EZH2: variants seen among roughly 807,000 people sequenced by gnomAD.
EZH2 encodes enhancer of zeste 2 polycomb repressive complex 2 subunit, also known as histone-lysine N-methyltransferase EZH2.
In EZH2, 18 loss-of-function variants were observed where a neutral mutation model predicts 98.4. That is an observed-to-expected ratio of 0.18 (90% CI 0.13 to 0.27). The LOEUF (loss-of-function observed/expected upper bound fraction) is 0.27. Among genes scored for constraint, EZH2 ranks in the 10% least tolerant of loss-of-function variants. EZH2 has a pLI of 1.00. For missense variants in EZH2, 470 were observed against 935.1 expected (o/e 0.50, Z 6.49); for synonymous variants, 338 against 312.3 (o/e 1.08, Z -0.87).
intron 13 of EZH2, 143 bp downstream of exon 13, chr7:148,815,363 C>A: frequency 1.2e-6 from 1 of 851,108 alleles, no homozygotes; most frequent in Non-Finnish European, 2.0e-6. Flanking sequence ...CATCAGTAGA[C>A]GTCCTCCATT....
rs748915411 is a variant in EZH2, at chr7:148,817,901, T to G, written c.1216A>C (p.Lys406Gln). The G allele has an allele frequency of 6.2e-7, 1 of 1,614,232 alleles. No individual in the cohort carries two copies. The highest frequency in any genetic ancestry group is 1.1e-5 in the South Asian group (1 of 91,086). Residue 406 changes from lysine to glutamine, a missense_variant, in exon 10 of 20, where the codon AAA (lysine) becomes CAA (glutamine). Lys to Gln is a moderately conservative substitution (Grantham distance 53, BLOSUM62 1). Transcript: ENST00000320356. ...CCAGAGGAGCTCGAAGTTTCATCTTTCTTCTCTTCTTCTTCTTTATCATTG... is the reference window on the plus strand; with the variant it reads ...CCAGAGGAGCTCGAAGTTTCATCTTGCTTCTCTTCTTCTTCTTTATCATTG... Reference protein sequence around the residue: ...ENNDKEEEEKKDETSSSSEAN... With the variant: ...ENNDKEEEEKQDETSSSSEAN...
rs114320893 is a variant in EZH2, at chr7:148,817,868, G to T, written c.1240+9C>A. On this transcript the variant is annotated intron_variant, in intron 10 of 19. Coordinates refer to ENST00000320356, the MANE Select transcript of EZH2 (RefSeq NM_004456.5). ...GAACAGTAAAACCCAGTTATTAGAC[G>T]TGTCTTACCAGAGGAGCTCGAAGTT... 2.4e-4 allele frequency: 395 copies of T among 1,614,114 alleles called. 2 individuals carry two copies. In the African/African-American group the frequency reaches 4.9e-3, roughly 20 times the overall value.
intron 15 of EZH2, among the ~76,000 whole-genome samples, chr7:148,812,040 T>C (rs1803228820): frequency 6.6e-6 from 1 of 152,234 alleles, no homozygotes; most frequent in Non-Finnish European, 1.5e-5. Context: ...TCTTCAGCCC[T>C]TGATTTCCTC....
intron 1 of EZH2, among the ~76,000 whole-genome samples, chr7:148,883,885 G>GC (rs528841467): frequency 6.6e-6 from 1 of 151,702 alleles, no homozygotes; most frequent in African/African-American, 2.4e-5. Context: ...CGGGAAAGGA[G>GC]CCCCCCACAC....
chr7:148,808,845 G>A (rs959466334), intron 19 of EZH2, among the ~76,000 whole-genome samples: 24 of 152,100 alleles, frequency 1.6e-4, no homozygotes, highest in African/African-American at 5.8e-4. Flanking sequence ...TGAGAAATGG[G>A]GCTTTCTGCA....
At chr7:148,881,817 C>T (rs1820999225) in intron 1 of EZH2, among the ~76,000 whole-genome samples, 1 of 151,684 alleles carries the variant, frequency 6.6e-6, no homozygotes, top group Admixed American at 6.6e-5. Context: ...GCCTGTAGTT[C>T]CAGCTACTCG....
chr7:148,851,409 T>C (rs1244296030), intron 1 of EZH2, among the ~76,000 whole-genome samples: 1 of 152,084 alleles, frequency 6.6e-6, no homozygotes, highest in Non-Finnish European at 1.5e-5. Context: ...AAACGAAATA[T>C]ACATGCAAAC....
intron 1 of EZH2, among the ~76,000 whole-genome samples, chr7:148,850,958 T>C (rs1198912343): frequency 3.3e-5 from 5 of 152,116 alleles, no homozygotes; most frequent in African/African-American, 1.2e-4. Context: ...GAGTCTTCTC[T>C]CTCTCAAAAT....
Position 148,809,270 on chromosome 7 carries a change from C to T in EZH2, c.2110+40G>A, listed in dbSNP as rs201279516. The T allele has an allele frequency of 9.4e-6, 15 of 1,588,916 alleles. No individual in the cohort carries two copies. The African/African-American group carries it at 2.0e-4, about 21-fold the overall frequency. Reference sequence around the variant, plus strand: ...AGTATTCAAGTCCATCATCACAGGACTGAAAAGGGAGTTCCAATTCTCACG... The same window carrying T: ...AGTATTCAAGTCCATCATCACAGGATTGAAAAGGGAGTTCCAATTCTCACG... On this transcript the variant is annotated intron_variant, in intron 18 of 19. Transcript: ENST00000320356.
At chr7:148,878,308 T>C (rs141926022) in intron 1 of EZH2, among the ~76,000 whole-genome samples, 1 of 152,344 alleles carries the variant, frequency 6.6e-6, no homozygotes, top group East Asian at 1.9e-4. Flanking sequence ...TATTCTACTT[T>C]CTGTCTCCAT....
rs1801831979 is a variant in EZH2 at position 148,807,705 on chromosome 7, A to G, written c.2197T>C (p.Tyr733His). The part of the protein sequence containing the change: ...TGEELFFDYR[Y>H]SQADALKYVG... ...TACTTCAGGGCATCAGCCTGGCTGT[A>G]TCTGAAACAACAGGAAGGAGATGTC... The change falls in exon 20 of 20, where the codon TAC (tyrosine) becomes CAC (histidine). Residue 733 changes from tyrosine to histidine, a missense_variant and splice_region_variant. Physicochemically the swap from Tyr to His is moderately conservative, Grantham distance 83. Around this residue, in one of 6 missense-constraint regions of EZH2, gnomAD observed 106 missense variants for 327.2 expected, o/e 0.32. Coordinates refer to ENST00000320356, the MANE Select transcript of EZH2 (RefSeq NM_004456.5). 1 of 1,590,228 alleles carries G rather than the reference A, an allele frequency of 6.3e-7. No individual in the cohort carries two copies. The highest frequency in any genetic ancestry group is 8.6e-7 in the Non-Finnish European group (1 of 1,167,208).
intron 19 of EZH2, among the ~76,000 whole-genome samples, chr7:148,808,801 A>C (rs903572465): frequency 6.6e-6 from 1 of 152,194 alleles, no homozygotes; most frequent in Admixed American, 6.5e-5. Context: ...TGATATGAGA[A>C]GGTCTAGGAC....
At chr7:148,849,102 C>A (rs1814995741) in intron 1 of EZH2, among the ~76,000 whole-genome samples, 1 of 152,030 alleles carries the variant, frequency 6.6e-6, no homozygotes, top group South Asian at 2.1e-4. Context: ...CAGATGCAAC[C>A]ATCTTTTTTT....
At chr7:148,808,173 A>G (rs1044122715) in intron 19 of EZH2, among the ~76,000 whole-genome samples, 101 of 152,354 alleles carry the variant, frequency 6.6e-4, no homozygotes, top group Middle Eastern at 3.4e-3. Context: ...ACACCCAGAG[A>G]GGAGCACAAG....
chr7:148,832,585 C>T, intron 4 of EZH2, 49 bp downstream of exon 4: 2 of 1,006,192 alleles, frequency 2.0e-6, no homozygotes, highest in Non-Finnish European at 3.0e-6. Flanking sequence ...TGCTTTTTTA[C>T]TTCAAATAAG....
At chr7:148,815,137 G>A (rs1195698094) in intron 13 of EZH2, 98 bp from the exon 14 acceptor site, 6 of 1,442,692 alleles carry the variant, frequency 4.2e-6, no homozygotes, top group Non-Finnish European at 3.7e-6. Context: ...TACCTGTGGA[G>A]TGTAGCTGGC....
chr7:148,828,088 A>G (rs1272827483), intron 6 of EZH2, among the ~76,000 whole-genome samples: 2 of 152,254 alleles, frequency 1.3e-5, no homozygotes, highest in Non-Finnish European at 2.9e-5. Context: ...ACTGTACTCT[A>G]GCCTGGGCGA....
At position 148,811,599 on chromosome 7, in the gene EZH2, C is replaced by A. The variant is rs768308774; in HGVS notation, c.1947+26G>T. 150 of 1,578,360 alleles carry A rather than the reference C, an allele frequency of 9.5e-5. 2 individuals carry two copies. In the South Asian group the frequency reaches 1.6e-3, roughly 17 times the overall value. On this transcript the variant is annotated intron_variant, in intron 16 of 19. Coordinates refer to ENST00000320356, the MANE Select transcript of EZH2 (RefSeq NM_004456.5). Reference sequence around the variant, plus strand: ...GTAAAGTTAGTATATACAATGCCACCTGAATACAGGTTATCAGTGCCTTAC... The same window carrying A: ...GTAAAGTTAGTATATACAATGCCACATGAATACAGGTTATCAGTGCCTTAC...
At chr7:148,848,246 G>C (rs1427776894) in intron 1 of EZH2, among the ~76,000 whole-genome samples, 1 of 152,184 alleles carries the variant, frequency 6.6e-6, no homozygotes, top group Non-Finnish European at 1.5e-5. Context: ...AGGGTGTGCG[G>C]TGAGGGAGTG....
Sources: allele counts gnomAD v4.1 joint callset (sites outside exome capture counted in the v4.1 genomes callset), GRCh38; gene constraint gnomAD v4.1.1; regional missense constraint gnomAD v4.1.1; transcripts MANE v1.5; gene names NCBI Gene and HGNC (gene_info 2026-07-23, HGNC 2026-07-21).